GRID2: variants seen among roughly 807,000 people sequenced by gnomAD.
The protein encoded by GRID2 is glutamate ionotropic receptor delta type subunit 2.
In GRID2, 33 loss-of-function variants were observed where a neutral mutation model predicts 114.8. That is an observed-to-expected ratio of 0.29 (90% CI 0.22 to 0.38). The LOEUF is 0.38. GRID2 is among the 10% of genes least tolerant of loss of function. The pLI is 1.00. For missense variants in GRID2, 1,184 were observed against 1,257.7 expected, an observed-to-expected ratio of 0.94 and a Z score of 0.89; for synonymous variants, 505 against 449.9, an observed-to-expected ratio of 1.12 and a Z score of -1.55.
At chr4:93,066,925 G>T (rs1269944256) in intron 2 of GRID2, among the ~76,000 whole-genome samples, 1 of 151,988 alleles carries the variant, frequency 6.6e-6, no homozygotes, top group Non-Finnish European at 1.5e-5. Flanking sequence ...TGGCTAATGG[G>T]TAGGTAGCAT....
At chr4:93,701,925 A>G (rs1356827148) in intron 14 of GRID2, among the ~76,000 whole-genome samples, 3 of 152,106 alleles carry the variant, frequency 2.0e-5, no homozygotes, top group African/African-American at 7.2e-5. Context: ...AGATAATATA[A>G]TCAGTAATTA....
At chr4:92,998,210 G>A (rs1755323257) in intron 2 of GRID2, among the ~76,000 whole-genome samples, 1 of 151,286 alleles carries the variant, frequency 6.6e-6, no homozygotes. Context: ...TCAATTATTT[G>A]GAATATACAT....
chr4:92,796,913 T>C (rs1343882351), intron 2 of GRID2, among the ~76,000 whole-genome samples: 1 of 151,978 alleles, frequency 6.6e-6, no homozygotes, highest in Non-Finnish European at 1.5e-5. Context: ...GTAAAAGCTA[T>C]ATTTTTCATA....
chr4:92,788,910 T>C (rs1193738944), intron 2 of GRID2, among the ~76,000 whole-genome samples: 4 of 151,816 alleles, frequency 2.6e-5, no homozygotes, highest in African/African-American at 9.7e-5. Flanking sequence ...TGGATTCTCT[T>C]TGATTTATTC....
intron 1 of GRID2, among the ~76,000 whole-genome samples, chr4:92,499,417 A>G (rs1723559688): frequency 6.6e-6 from 1 of 152,044 alleles, no homozygotes; most frequent in Admixed American, 6.6e-5. Flanking sequence ...TGTTTTCTCT[A>G]TTTGTTCCTA....
chr4:93,758,620 A>G (rs1182136871), intron 14 of GRID2, among the ~76,000 whole-genome samples: 1 of 152,210 alleles, frequency 6.6e-6, no homozygotes, highest in East Asian at 1.9e-4. Context: ...AAAGCTGCAT[A>G]TCACAATCTT....
At chr4:93,315,510 C>CTAA (rs1449468451) in intron 8 of GRID2, among the ~76,000 whole-genome samples, 2 of 152,186 alleles carry the variant, frequency 1.3e-5, no homozygotes, top group Admixed American at 1.3e-4. Context: ...TTATCACAAT[C>CTAA]TAACATAAAA....
chr4:92,655,705 A>T (rs1264446888), intron 2 of GRID2, among the ~76,000 whole-genome samples: 1 of 150,782 alleles, frequency 6.6e-6, no homozygotes. Flanking sequence ...AATATTACTG[A>T]GTTTGTATGT....
chr4:93,351,269 TAG>T (rs1370244788), intron 8 of GRID2, among the ~76,000 whole-genome samples: 9 of 152,030 alleles, frequency 5.9e-5, no homozygotes, highest in Admixed American at 2.0e-4. Flanking sequence ...ATTTAGTTGG[TAG>T]AGAGTTTTAT....
At chr4:93,287,570 T>A (rs1227991161) in intron 8 of GRID2, among the ~76,000 whole-genome samples, 2 of 152,102 alleles carry the variant, frequency 1.3e-5, no homozygotes, top group Admixed American at 1.3e-4. Context: ...TTCAGAAAAA[T>A]TATACTGAAT....
chr4:92,585,216 G>A (rs1728373542), intron 1 of GRID2, among the ~76,000 whole-genome samples: 1 of 151,510 alleles, frequency 6.6e-6, no homozygotes, highest in Non-Finnish European at 1.5e-5. Flanking sequence ...AAATTTGGGG[G>A]GTAGAGAGAG....
chr4:93,670,091 G>A (rs1724279489), intron 14 of GRID2, among the ~76,000 whole-genome samples: 1 of 152,072 alleles, frequency 6.6e-6, no homozygotes. Context: ...TACTAGTAAA[G>A]TATGGCAAAA....
chr4:92,975,524 G>A (rs1205321571), intron 2 of GRID2, among the ~76,000 whole-genome samples: 2 of 152,024 alleles, frequency 1.3e-5, no homozygotes, highest in African/African-American at 4.8e-5. Flanking sequence ...TGTATCATAT[G>A]ATGTATACCA....
Position 93,447,956 on chromosome 4 carries a change from G to A in GRID2, c.1546-7706G>A, listed in dbSNP as rs1294354229. 1.5e-4 allele frequency among the ~76,000 whole-genome samples: 23 copies of A among 151,848 alleles called. 1 individual carries two copies. Among genetic ancestry groups the A allele is most frequent in the South Asian group, 8.3e-4 (4 of 4,814 alleles). ...TTAAATGTCCTTTCATATTTAATCC[G>A]TCAGCATATTAGAACATAGTAAAGT... On this transcript the variant is annotated intron_variant, in intron 10 of 15. Coordinates refer to ENST00000282020, the MANE Select transcript of GRID2 (RefSeq NM_001510.4).
At chr4:92,413,922 A>G (rs78393061) in intron 1 of GRID2, among the ~76,000 whole-genome samples, 1 of 152,100 alleles carries the variant, frequency 6.6e-6, no homozygotes, top group Non-Finnish European at 1.5e-5. Context: ...TTGACAGAGG[A>G]TTTTTTTAAA....
chr4:92,409,040 C>A (rs1369049675), intron 1 of GRID2, among the ~76,000 whole-genome samples: 3 of 152,052 alleles, frequency 2.0e-5, no homozygotes, highest in Non-Finnish European at 4.4e-5. Context: ...GCGTACTTGT[C>A]TTGTTCCAGT....
chr4:93,663,666 A>G (rs535227877), intron 14 of GRID2, among the ~76,000 whole-genome samples: 3 of 152,282 alleles, frequency 2.0e-5, no homozygotes, highest in Non-Finnish European at 2.9e-5. Flanking sequence ...ACCTCAGTCT[A>G]TGGGCCAGAT....
At chr4:92,561,981 T>C (rs541527133) in intron 1 of GRID2, among the ~76,000 whole-genome samples, 2 of 152,348 alleles carry the variant, frequency 1.3e-5, no homozygotes, top group Non-Finnish European at 2.9e-5. Flanking sequence ...ATTCCTTAAA[T>C]AGTGGACTCT....
intron 1 of GRID2, among the ~76,000 whole-genome samples, chr4:92,562,932 C>A (rs1343818327): frequency 6.6e-6 from 1 of 152,140 alleles, no homozygotes; most frequent in Non-Finnish European, 1.5e-5. Flanking sequence ...TACGGAATCA[C>A]TTTACAGTCT....
Sources: gnomAD v4.1 joint callset for allele counts (sites outside exome capture counted in the v4.1 genomes callset) on GRCh38, gnomAD v4.1.1 for gene constraint, MANE v1.5 for transcripts, NCBI Gene and HGNC (gene_info 2026-07-23, HGNC 2026-07-21) for gene names.